HSPA4L: variants seen among roughly 807,000 people sequenced by gnomAD.
HSPA4L encodes heat shock protein family A (Hsp70) member 4 like.
Under a neutral mutation model 100.3 loss-of-function variants are expected in HSPA4L, and 48 were observed. That is an observed-to-expected ratio of 0.48 (90% CI 0.38 to 0.61). The LOEUF (loss-of-function observed/expected upper bound fraction) is 0.61. Among genes scored for constraint, HSPA4L ranks in the 20% least tolerant of loss-of-function variants. The pLI is 0.00. For synonymous variants in HSPA4L, 319 were observed against 328.2 expected, an observed-to-expected ratio of 0.97 and a Z score of 0.30; for missense variants, 886 against 988.6, an observed-to-expected ratio of 0.90 and a Z score of 1.39.
At chr4:127,814,724 G>T (rs191508369) in intron 12 of HSPA4L, among the ~76,000 whole-genome samples, 2 of 151,986 alleles carry the variant, frequency 1.3e-5, no homozygotes, top group Non-Finnish European at 2.9e-5. Context: ...ACGCCACCAC[G>T]CCTGGCAGAT....
At chr4:127,828,672 A>G (rs1295683744) in intron 17 of HSPA4L, among the ~76,000 whole-genome samples, 1 of 152,166 alleles carries the variant, frequency 6.6e-6, no homozygotes, top group African/African-American at 2.4e-5. Context: ...AAATTCAGAT[A>G]TTGATTGTAA....
chr4:127,811,349 C>A, intron 11 of HSPA4L, 88 bp from the exon 12 acceptor site: 2 of 948,746 alleles, frequency 2.1e-6, no homozygotes, highest in South Asian at 3.0e-5. Flanking sequence ...TATTTGCCAA[C>A]ATCTTAAAGA....
chr4:127,785,050 A>G (rs1732675740), intron 1 of HSPA4L, among the ~76,000 whole-genome samples: 1 of 152,210 alleles, frequency 6.6e-6, no homozygotes, highest in Non-Finnish European at 1.5e-5. Flanking sequence ...TTGATTGCTT[A>G]TGGTTGAGAG....
intron 15 of HSPA4L, 150 bp from the exon 16 acceptor site, chr4:127,823,367 T>C (rs1441071002): frequency 3.5e-6 from 2 of 576,190 alleles, no homozygotes; most frequent in East Asian, 6.1e-5. Context: ...CAGGCTGGTC[T>C]CTTAGTTCTG....
Position 127,820,492 on chromosome 4 carries a change from T to G in HSPA4L, c.1739T>G (p.Ile580Ser). ...QTLKKGKVKSIDLPIQSSLCR... is the reference protein window; with the variant it reads ...QTLKKGKVKSSDLPIQSSLCR... ...CTTAAAAAAGGAAAAGTCAAAAGTA[T>G]TGATCTACCGATCCAGAGTAGCCTA... Residue 580 changes from isoleucine (I) to serine (S), a missense_variant, in exon 14 of 19, where the codon ATT becomes AGT. By Grantham distance (142) the Ile-to-Ser change is moderately radical. Transcript: ENST00000296464. 1 of 1,603,302 alleles carries G rather than the reference T, an allele frequency of 6.2e-7. No individual in the cohort carries two copies. The highest frequency in any genetic ancestry group is 8.5e-7 in the Non-Finnish European group (1 of 1,175,456).
At chr4:127,832,336 T>C (rs1734103685) in intron 18 of HSPA4L, among the ~76,000 whole-genome samples, 2 of 152,208 alleles carry the variant, frequency 1.3e-5, no homozygotes, top group South Asian at 4.1e-4. Context: ...ATAGGTGTTA[T>C]TTGATGTAAT....
At chr4:127,813,132 T>C in intron 12 of HSPA4L, 2 of 1,389,094 alleles carry the variant, frequency 1.4e-6, no homozygotes, top group Non-Finnish European at 2.0e-6. Context: ...AAGGAATAAC[T>C]CCATGTTTTC....
At position 127,827,178 on chromosome 4, in the gene HSPA4L, A is replaced by C. The variant is rs1238216624; in HGVS notation, c.2047-127A>C. 6 of 727,744 alleles carry C rather than the reference A, an allele frequency of 8.2e-6. No homozygotes were observed. The Admixed American group carries it at 1.7e-4, about 21-fold the overall frequency. 45.1% of individuals were successfully genotyped at this position (727,744 alleles called of 1,614,324 possible). A position where few individuals can be genotyped will look rare whatever the true frequency, so the allele number is the denominator to read the frequency against. On this transcript the variant is annotated intron_variant, in intron 16 of 18. Coordinates refer to ENST00000296464, the MANE Select transcript of HSPA4L (RefSeq NM_014278.4). ...TACTGTAACTTGCTTCCATACAGGAAAATAAGAGGGGATATATTTTTATCT... is the reference window on the plus strand; with the variant it reads ...TACTGTAACTTGCTTCCATACAGGACAATAAGAGGGGATATATTTTTATCT...
intron 12 of HSPA4L, among the ~76,000 whole-genome samples, chr4:127,816,567 A>G (rs1048780696): frequency 6.6e-6 from 1 of 152,198 alleles, no homozygotes; most frequent in African/African-American, 2.4e-5. Context: ...GGAGCATTCA[A>G]GGAAGGAATA....
Position 127,836,256 on chromosome 4 carries a change from A to G in HSPA4L, c.*3382A>G, listed in dbSNP as rs911451457. ...GTGGCGGGCGCCGGTAGTCCCAGCT[A>G]CTCAGGAGGCTGAGGCAGGAGAATG... On this transcript the variant is annotated 3_prime_UTR_variant, in exon 19 of 19. Transcript: ENST00000296464. 2 of 152,234 alleles carry G rather than the reference A, an allele frequency of 1.3e-5. No individual in the cohort carries two copies. Among genetic ancestry groups the G allele is most frequent in the African/African-American group, 2.4e-5 (1 of 41,170 alleles). The allele number at this position is 152,234 out of a possible 1,614,324, so 9.4% of individuals were successfully genotyped here. A position where few individuals can be genotyped will look rare whatever the true frequency, so the allele number is the denominator to read the frequency against.
chr4:127,819,746 T>C (rs1040269687), intron 13 of HSPA4L, among the ~76,000 whole-genome samples: 2 of 152,198 alleles, frequency 1.3e-5, no homozygotes, highest in African/African-American at 4.8e-5. Context: ...TATTTGTGAC[T>C]GGCTTTCACC....
rs150820556 is a variant in HSPA4L, at chr4:127,827,396, T to C, written c.2138T>C (p.Met713Thr). ...NDLGKKIQLV[M>T]KVIEAYRNKD... ...TTGGGAAAAAAGATCCAACTTGTCATGAAAGTGATAGAAGCTTATAGAAAC... is the reference window on the plus strand; with the variant it reads ...TTGGGAAAAAAGATCCAACTTGTCACGAAAGTGATAGAAGCTTATAGAAAC... The change falls in exon 17 of 19, where the codon ATG becomes ACG. Residue 713 changes from methionine (M) to threonine (T), a missense_variant. Transcript: ENST00000296464. 7.1e-5 allele frequency: 114 copies of C among 1,613,700 alleles called. No homozygotes were observed. In the African/African-American group the frequency reaches 1.4e-3, roughly 19 times the overall value.
Position 127,818,378 on chromosome 4 carries a change from C to A in HSPA4L, c.1632C>A (p.His544Gln). 6.2e-7 allele frequency: 1 copy of A among 1,612,108 alleles called. No individual in the cohort carries two copies. Among genetic ancestry groups the A allele is most frequent in the Non-Finnish European group, 8.5e-7 (1 of 1,178,814 alleles). The change falls in exon 13 of 19, where the codon CAC (histidine) becomes CAA (glutamine). Residue 544 changes from histidine (H) to glutamine (Q), a missense_variant. His to Gln is a conservative substitution (Grantham distance 24). Transcript: ENST00000296464. Reference protein sequence around the residue: ...EEGHQKCHAEHTPEEEIDHTG... With the variant: ...EEGHQKCHAEQTPEEEIDHTG... The stretch of plus-strand genomic sequence containing the variant: ...GGCATCAAAAATGTCATGCTGAACA[C>A]ACTCCAGAAGAGGAAATTGATCATA...
intron 12 of HSPA4L, among the ~76,000 whole-genome samples, chr4:127,816,020 A>G (rs897497632): frequency 4.6e-5 from 7 of 152,190 alleles, no homozygotes; most frequent in South Asian, 2.1e-4. Flanking sequence ...GTTGGTGTAT[A>G]GGATATAGGT....
intron 13 of HSPA4L, among the ~76,000 whole-genome samples, chr4:127,819,775 G>C (rs145080425): frequency 1.3e-5 from 2 of 152,234 alleles, no homozygotes; most frequent in Non-Finnish European, 2.9e-5. Context: ...TGTTTTCAAG[G>C]TTCATCCAGG....
At chr4:127,800,646 G>C (rs998036150) in intron 4 of HSPA4L, among the ~76,000 whole-genome samples, 1 of 151,988 alleles carries the variant, frequency 6.6e-6, no homozygotes, top group Non-Finnish European at 1.5e-5. Flanking sequence ...TATTCTTCTG[G>C]TTGGGTGTAT....
At position 127,782,437 on chromosome 4, in the gene HSPA4L, C is replaced by T. The variant is rs762652544; in HGVS notation, c.-114C>T. The stretch of plus-strand genomic sequence containing the variant: ...GATTTTCTGCTTAGCGACTTGGGGT[C>T]CCCTCTCGTTTGCTTCTGGTAGGAG... On this transcript the variant is annotated 5_prime_UTR_variant, in exon 1 of 19. Transcript: ENST00000296464. 4.0e-5 allele frequency: 32 copies of T among 806,750 alleles called. No homozygotes were observed. The highest frequency in any genetic ancestry group is 5.5e-5 in the Non-Finnish European group (26 of 475,710). The allele number at this position is 806,750 out of a possible 1,614,324, so 50.0% of individuals were successfully genotyped here.
chr4:127,793,523 C>G (rs1373640613), intron 1 of HSPA4L, among the ~76,000 whole-genome samples: 2 of 152,140 alleles, frequency 1.3e-5, no homozygotes. Context: ...TGTTATTATT[C>G]CATGCTATTA....
chr4:127,806,090 A>G lies in HSPA4L; in HGVS notation c.1244+297A>G, dbSNP rs528002960. Among the ~76,000 whole-genome samples the G allele has an allele frequency of 3.3e-5, 5 of 152,108 alleles. No homozygotes were observed. In the East Asian group the frequency reaches 9.6e-4, roughly 29 times the overall value. On this transcript the variant is annotated intron_variant, in intron 10 of 18. Transcript: ENST00000296464. ...CTTAGCCCATTTTACAGACATAAAC[A>G]TTTTTAAAAGCTAGTTTATCTGTCC...
Sources: gnomAD v4.1 joint callset for allele counts (sites outside exome capture counted in the v4.1 genomes callset) on GRCh38, gnomAD v4.1.1 for gene constraint, MANE v1.5 for transcripts, NCBI Gene and HGNC (gene_info 2026-07-23, HGNC 2026-07-21) for gene names.